SEMA5A: variants seen among roughly 807,000 people sequenced by gnomAD.
SEMA5A encodes semaphorin-5A.
A neutral mutation model predicts 135.5 loss-of-function variants in SEMA5A; 55 were observed. The observed-to-expected ratio is 0.41, with a 90% CI of 0.33 to 0.51. The LOEUF (loss-of-function observed/expected upper bound fraction) is 0.51, where lower values mean the gene tolerates loss of function less well. Ranked by LOEUF, SEMA5A falls within the 20% of genes least tolerant of loss-of-function variation. The pLI is 0.37. For missense variants in SEMA5A, 1,290 were observed against 1,419.9 expected (o/e 0.91, Z 1.47); for synonymous variants, 580 against 546.5 (o/e 1.06, Z -0.85).
chr5:9,353,327 GGAAAGGAAAT>G (rs1561177816), intron 3 of SEMA5A, among the ~76,000 whole-genome samples: 2 of 63,776 alleles, frequency 3.1e-5, no homozygotes, highest in Non-Finnish European at 6.9e-5. Context: ...AGGAAGGAAA[GGAAAGGAAAT>G]GAAAGGAAAG....
chr5:9,465,904 C>T (rs1045012008), intron 1 of SEMA5A, among the ~76,000 whole-genome samples: 2 of 152,208 alleles, frequency 1.3e-5, no homozygotes, highest in African/African-American at 2.4e-5. Flanking sequence ...AACACAAAGA[C>T]GAGCATGCAT....
chr5:9,531,442 T>C (rs921776653), intron 1 of SEMA5A, among the ~76,000 whole-genome samples: 1 of 152,158 alleles, frequency 6.6e-6, no homozygotes, highest in Admixed American at 6.5e-5. Context: ...AGTGTATCTG[T>C]GCCAGATGGG....
Position 9,350,162 on chromosome 5 carries a change from C to T in SEMA5A, c.125-12350G>A, listed in dbSNP as rs17196600. On this transcript the variant is annotated intron_variant, in intron 3 of 22. Coordinates refer to ENST00000382496, the MANE Select transcript of SEMA5A (RefSeq NM_003966.3). ...AACAAATTAACTTGTCTTCTTAGAA[C>T]CAGCTGCCATAGAGGTCAGCGCAAC... Among the ~76,000 whole-genome samples, 423 of 152,226 alleles carry T rather than the reference C, an allele frequency of 2.8e-3. 2 individuals carry two copies. Among genetic ancestry groups the T allele is most frequent in the Admixed American group, 9.4e-3 (143 of 15,288 alleles).
intron 5 of SEMA5A, among the ~76,000 whole-genome samples, chr5:9,267,112 A>G (rs1749722996): frequency 2.0e-5 from 3 of 151,482 alleles, no homozygotes; most frequent in Admixed American, 2.0e-4. Flanking sequence ...ACCTTCGAAC[A>G]GCTCTCTGAG....
At chr5:9,241,176 T>G (rs558104298) in intron 5 of SEMA5A, among the ~76,000 whole-genome samples, 1 of 152,254 alleles carries the variant, frequency 6.6e-6, no homozygotes, top group Non-Finnish European at 1.5e-5. Flanking sequence ...GACACAACGA[T>G]TCCTGTTTGC....
chr5:9,315,259 CTATG>C (rs746339171), intron 5 of SEMA5A, among the ~76,000 whole-genome samples: 10 of 152,168 alleles, frequency 6.6e-5, no homozygotes, highest in South Asian at 4.2e-4. Flanking sequence ...TGTATAGCTT[CTATG>C]TATGTATGTG....
intron 8 of SEMA5A, among the ~76,000 whole-genome samples, chr5:9,207,831 T>G (rs1413034903): frequency 6.6e-6 from 1 of 151,944 alleles, no homozygotes; most frequent in Non-Finnish European, 1.5e-5. Context: ...TTCCTGAGGT[T>G]TCTACTAAAA....
chr5:9,063,558 A>T (rs1413473724), intron 17 of SEMA5A, among the ~76,000 whole-genome samples: 1 of 152,158 alleles, frequency 6.6e-6, no homozygotes, highest in East Asian at 1.9e-4. Context: ...CTATTCTTTC[A>T]GCTGTTAACC....
At chr5:9,315,571 T>C (rs1192227097) in intron 5 of SEMA5A, among the ~76,000 whole-genome samples, 3 of 152,150 alleles carry the variant, frequency 2.0e-5, no homozygotes, top group African/African-American at 7.2e-5. Flanking sequence ...GAAGAGCTCT[T>C]TATTATTTCT....
chr5:9,052,376 A>G (rs1736633539), intron 19 of SEMA5A, among the ~76,000 whole-genome samples: 1 of 152,196 alleles, frequency 6.6e-6, no homozygotes, highest in South Asian at 2.1e-4. Flanking sequence ...TACATAAGTC[A>G]TCAATGCAGA....
Position 9,037,908 on chromosome 5 carries a change from G to A in SEMA5A, c.*4989C>T, listed in dbSNP as rs561160554. 21 of 152,222 alleles carry A rather than the reference G, an allele frequency of 1.4e-4. No homozygotes were observed. In the South Asian group the frequency reaches 2.3e-3, roughly 17 times the overall value. 9.4% of individuals were successfully genotyped at this position (152,222 alleles called of 1,614,324 possible). On this transcript the variant is annotated 3_prime_UTR_variant, in exon 23 of 23. Transcript: ENST00000382496. The stretch of plus-strand genomic sequence containing the variant: ...GTCCCCAAACATTTTATCTTACATT[G>A]TGCATGGCATTCCCTTTTATGCGTT...
At chr5:9,477,452 G>C (rs987919468) in intron 1 of SEMA5A, among the ~76,000 whole-genome samples, 11 of 152,180 alleles carry the variant, frequency 7.2e-5, no homozygotes, top group African/African-American at 2.4e-4. Flanking sequence ...ACTTCCTAGA[G>C]ACTTGTTGAA....
intron 1 of SEMA5A, among the ~76,000 whole-genome samples, chr5:9,501,275 T>C (rs1010037124): frequency 6.6e-6 from 1 of 152,218 alleles, no homozygotes; most frequent in Non-Finnish European, 1.5e-5. Flanking sequence ...AACTAAAGTC[T>C]ATGCTTACTT....
chr5:9,156,919 A>G (rs1164967065), intron 11 of SEMA5A, among the ~76,000 whole-genome samples: 1 of 152,280 alleles, frequency 6.6e-6, no homozygotes, highest in East Asian at 1.9e-4. Context: ...AAGATCTGTG[A>G]TAGTTTGACT....
intron 5 of SEMA5A, among the ~76,000 whole-genome samples, chr5:9,243,690 G>A (rs183721914): frequency 3.9e-5 from 6 of 152,282 alleles, no homozygotes; most frequent in Admixed American, 3.9e-4. Flanking sequence ...CGTTTAATGT[G>A]AGAGGTACTA....
chr5:9,187,590 G>T (rs887401672), intron 11 of SEMA5A, among the ~76,000 whole-genome samples: 1 of 152,296 alleles, frequency 6.6e-6, no homozygotes, highest in Non-Finnish European at 1.5e-5. Context: ...GTGAGAGATG[G>T]AAACTGTCAA....
At chr5:9,423,240 T>TA (rs1039499110) in intron 2 of SEMA5A, among the ~76,000 whole-genome samples, 4 of 152,228 alleles carry the variant, frequency 2.6e-5, no homozygotes, top group African/African-American at 9.6e-5. Context: ...TCACAAGTGC[T>TA]AAAAAATCAC....
At chr5:9,057,702 G>T (rs1165034717) in intron 18 of SEMA5A, among the ~76,000 whole-genome samples, 1 of 152,170 alleles carries the variant, frequency 6.6e-6, no homozygotes, top group Non-Finnish European at 1.5e-5. Flanking sequence ...CAAAGAACTG[G>T]GGAAATGGAT....
intron 6 of SEMA5A, among the ~76,000 whole-genome samples, chr5:9,237,470 C>G (rs977970560): frequency 6.6e-6 from 1 of 152,108 alleles, no homozygotes; most frequent in Non-Finnish European, 1.5e-5. Context: ...CATATCATTA[C>G]TTTCTAGATT....
Sources: gnomAD v4.1 joint callset for allele counts (sites outside exome capture counted in the v4.1 genomes callset) on GRCh38, gnomAD v4.1.1 for gene constraint, MANE v1.5 for transcripts, NCBI Gene and HGNC (gene_info 2026-07-23, HGNC 2026-07-21) for gene names.